The following WASHC5 variants were observed in gnomAD, a reference collection of about 807,000 sequenced individuals.
WASHC5 encodes the protein WASH complex subunit strumpellin.
A neutral mutation model predicts 150.4 loss-of-function variants in WASHC5; 101 were observed. The ratio of observed to expected loss-of-function variants is 0.67; its 90% confidence interval spans 0.57 to 0.79. The LOEUF is 0.79. Ranked by LOEUF, WASHC5 falls within the 30% of genes least tolerant of loss-of-function variation. WASHC5 has a pLI of 0.00. For missense variants in WASHC5, 1,195 were observed against 1,396.3 expected (o/e 0.86, Z 2.30); for synonymous variants, 467 against 491.2 (o/e 0.95, Z 0.65).
At chr8:125,076,033 G>T (rs866911335) in intron 7 of WASHC5, among the ~76,000 whole-genome samples, 2 of 152,074 alleles carry the variant, frequency 1.3e-5, no homozygotes, top group South Asian at 2.1e-4. Flanking sequence ...TCAGAAAATG[G>T]AAAAGAATAA....
At chr8:125,086,541 G>A (rs7008915) in intron 1 of WASHC5, among the ~76,000 whole-genome samples, 10 of 151,930 alleles carry the variant, frequency 6.6e-5, no homozygotes, top group South Asian at 2.1e-4. Context: ...CTTAACCACC[G>A]CCTTAAAAAT....
At chr8:125,065,250 G>A (rs1442224504) in intron 10 of WASHC5, among the ~76,000 whole-genome samples, 1 of 152,174 alleles carries the variant, frequency 6.6e-6, no homozygotes, top group Non-Finnish European at 1.5e-5. Context: ...TAGGACAGAG[G>A]AAGCACAGGT....
At chr8:125,043,519 T>C (rs1815957703) in intron 23 of WASHC5, among the ~76,000 whole-genome samples, 1 of 151,880 alleles carries the variant, frequency 6.6e-6, no homozygotes, top group South Asian at 2.1e-4. Flanking sequence ...AAAAAGGGAG[T>C]ATTACTGTGC....
rs199936194 is a variant in WASHC5, at chr8:125,083,738, A to C, written c.161T>G (p.Ile54Ser). The stretch of plus-strand genomic sequence containing the variant: ...CTTAAAATAGCTGAAATCAAATATG[A>C]TATCTCCATATTTCTGTTGATCAGC... ...DRADQQKYGDIIFDFSYFKGP... is the reference protein window; with the variant it reads ...DRADQQKYGDSIFDFSYFKGP... The change falls in exon 2 of 29, where the codon ATC becomes AGC. Residue 54 changes from isoleucine to serine, a missense_variant. Ile to Ser is a moderately radical substitution (Grantham distance 142). Around this residue, in one of 3 missense-constraint regions of WASHC5, gnomAD observed 195 missense variants for 206.9 expected, o/e 0.94. Coordinates refer to ENST00000318410, the MANE Select transcript of WASHC5 (RefSeq NM_014846.4). 16 of 1,611,130 alleles carry C rather than the reference A, an allele frequency of 9.9e-6. No individual in the cohort carries two copies. The highest frequency in any genetic ancestry group is 1.3e-5 in the Non-Finnish European group (15 of 1,177,424).
At chr8:125,054,528 G>A (rs1268492345) in intron 17 of WASHC5, among the ~76,000 whole-genome samples, 1 of 152,164 alleles carries the variant, frequency 6.6e-6, no homozygotes, top group East Asian at 1.9e-4. Flanking sequence ...AGTGATGATA[G>A]TGGTCTGTTA....
chr8:125,033,094 G>A (rs554947167), intron 26 of WASHC5, among the ~76,000 whole-genome samples: 26 of 152,136 alleles, frequency 1.7e-4, no homozygotes, highest in Non-Finnish European at 2.8e-4. Context: ...CTGCCAAAAT[G>A]TGGAGACCCT....
In WASHC5 at chr8:125,079,179, T is replaced by C. The variant is rs28447527; in HGVS notation, c.519-249A>G. Reference sequence around the variant, plus strand: ...GATGGAGTCTCGCTATGTATGTATATATAACCTTTTTTTTTTTTTTTTTTT... The same window carrying C: ...GATGGAGTCTCGCTATGTATGTATACATAACCTTTTTTTTTTTTTTTTTTT... On this transcript the variant is annotated intron_variant, in intron 5 of 28. Coordinates refer to ENST00000318410, the MANE Select transcript of WASHC5 (RefSeq NM_014846.4). 0.078 allele frequency among the ~76,000 whole-genome samples: 9,846 copies of C among 126,118 alleles called. 1,413 individuals carry two copies. Among genetic ancestry groups the C allele is most frequent in the African/African-American group, 0.28 (7,562 of 27,336 alleles). 82.7% of individuals were successfully genotyped at this position (126,118 alleles called of 152,430 possible).
chr8:125,025,701 C>T lies in WASHC5; in HGVS notation c.3424-1028G>A, dbSNP rs185013342. Among the ~76,000 whole-genome samples the T allele has an allele frequency of 4.5e-3, 688 of 152,170 alleles. 24 individuals are homozygous for T. The highest frequency in any genetic ancestry group is 0.042 in the Admixed American group (644 of 15,268). On this transcript the variant is annotated intron_variant, in intron 28 of 28. Transcript: ENST00000318410. ...ACATGTATAATACCTATGTAACAAA[C>T]CTGCACATTCTGCACGTGTAGCCCA...
chr8:125,072,372 T>C (rs1427626459), intron 9 of WASHC5, among the ~76,000 whole-genome samples: 5 of 133,568 alleles, frequency 3.7e-5, no homozygotes, highest in African/African-American at 5.5e-5. Context: ...GGGCGGGCTC[T>C]TATTTTATTA....
chr8:125,068,073 T>C (rs994093679), intron 9 of WASHC5, among the ~76,000 whole-genome samples: 2 of 152,206 alleles, frequency 1.3e-5, no homozygotes, highest in African/African-American at 4.8e-5. Flanking sequence ...GGTGGCTTCC[T>C]CACGTCCTGT....
intron 1 of WASHC5, among the ~76,000 whole-genome samples, chr8:125,089,805 G>A (rs770417594): frequency 1.6e-4 from 25 of 152,312 alleles, no homozygotes; most frequent in Admixed American, 7.8e-4. Flanking sequence ...GAATTACGCT[G>A]TAGACAACTT....
intron 25 of WASHC5, among the ~76,000 whole-genome samples, chr8:125,037,641 A>G (rs958161410): frequency 3.9e-5 from 6 of 152,062 alleles, no homozygotes; most frequent in African/African-American, 1.2e-4. Context: ...CAAGAATGGG[A>G]GGGGAAGGCA....
chr8:125,032,582 C>A (rs1815573566), intron 26 of WASHC5, 188 bp from the exon 27 acceptor site: 1 of 664,758 alleles, frequency 1.5e-6, no homozygotes, highest in South Asian at 1.7e-5. Context: ...TTCCAGGGGT[C>A]TGAAGGATTC....
chr8:125,060,300 AAC>A (rs1816555265), intron 12 of WASHC5, among the ~76,000 whole-genome samples: 1 of 152,168 alleles, frequency 6.6e-6, no homozygotes, highest in Non-Finnish European at 1.5e-5. Flanking sequence ...CAACCTGGCT[AAC>A]ATGGTGAAAC....
chr8:125,056,879 A>G, intron 15 of WASHC5, 62 bp from the exon 16 acceptor site: 1 of 1,600,992 alleles, frequency 6.2e-7, no homozygotes, highest in Non-Finnish European at 8.6e-7. Flanking sequence ...TTGGCTGACA[A>G]ATATTAGGAT....
intron 17 of WASHC5, among the ~76,000 whole-genome samples, chr8:125,053,478 C>T (rs1217200405): frequency 6.6e-6 from 1 of 152,108 alleles, no homozygotes; most frequent in Non-Finnish European, 1.5e-5. Context: ...TTACAGTGGT[C>T]ACTTTGCAGT....
chr8:125,050,660 A>T lies in WASHC5; in HGVS notation c.2103T>A (p.Asp701Glu). ...TTCCATCTTCCAGCAACTGCTTTGG[A>T]TCCACCTAAGTGCCAATCAAAAGTA... ...KTTLVGIIKV[D>E]PKQLLEDGIR... Residue 701 changes from aspartate (D) to glutamate (E), a missense_variant, in exon 18 of 29, where the codon GAT (aspartate) becomes GAA (glutamate). Physicochemically the swap from Asp to Glu is conservative, Grantham distance 45. This residue lies in a region of WASHC5 where 997 missense variants were observed against 1,168.1 expected (regional missense o/e 0.85). Coordinates refer to ENST00000318410, the MANE Select transcript of WASHC5 (RefSeq NM_014846.4). 1 of 1,613,434 alleles carries T rather than the reference A, an allele frequency of 6.2e-7. No homozygotes were observed. Among genetic ancestry groups the T allele is most frequent in the Non-Finnish European group, 8.5e-7 (1 of 1,179,382 alleles).
chr8:125,038,015 T>C (rs1815767737), intron 25 of WASHC5, among the ~76,000 whole-genome samples: 2 of 152,160 alleles, frequency 1.3e-5, no homozygotes, highest in Non-Finnish European at 1.5e-5. Context: ...CTGGCCTCTC[T>C]GAGCCTCGGG....
intron 6 of WASHC5, among the ~76,000 whole-genome samples, chr8:125,077,881 T>C (rs1817111515): frequency 6.6e-6 from 1 of 152,060 alleles, no homozygotes; most frequent in East Asian, 1.9e-4. Flanking sequence ...GTGGGTAGCT[T>C]CTGATTTTGA....
Sources: gnomAD v4.1 joint callset for allele counts (sites outside exome capture counted in the v4.1 genomes callset) on GRCh38, gnomAD v4.1.1 for gene constraint, gnomAD v4.1.1 regional missense constraint, MANE v1.5 for transcripts, NCBI Gene and HGNC (gene_info 2026-07-23, HGNC 2026-07-21) for gene names.